Variants in UFM1 observed in about 807,000 individuals in gnomAD.
The protein encoded by UFM1 is ubiquitin fold modifier 1.
Under a neutral mutation model 15.4 loss-of-function variants are expected in UFM1, and 9 were observed. The observed-to-expected ratio is 0.59, with a 90% CI of 0.35 to 1.02. The LOEUF (loss-of-function observed/expected upper bound fraction) is 1.02. Among genes scored for constraint, UFM1 ranks in the 50% least tolerant of loss-of-function variants. UFM1 has a pLI of 0.02. For synonymous variants in UFM1, 27 were observed against 36.3 expected, an observed-to-expected ratio of 0.74 and a Z score of 0.92; for missense variants, 98 against 104.7, an observed-to-expected ratio of 0.94 and a Z score of 0.28.
rs560013599 is a variant in UFM1 at position 38,360,867 on chromosome 13, C to T, written c.*89C>T. Reference sequence around the variant, plus strand: ...AAATTGAAATCAGGCATTTAACATACTATGAAAACACCAGGAGTCAATGAT... The same window carrying T: ...AAATTGAAATCAGGCATTTAACATATTATGAAAACACCAGGAGTCAATGAT... On this transcript the variant is annotated 3_prime_UTR_variant, in exon 6 of 6. Coordinates refer to ENST00000239878, the MANE Select transcript of UFM1 (RefSeq NM_016617.4). 92 of 1,054,584 alleles carry T rather than the reference C, an allele frequency of 8.7e-5. 1 individual carries two copies. In the South Asian group the frequency reaches 1.1e-3, roughly 13 times the overall value. The allele number at this position is 1,054,584 out of a possible 1,614,324, so 65.3% of individuals were successfully genotyped here. A position where few individuals can be genotyped will look rare whatever the true frequency, so the allele number is the denominator to read the frequency against.
Position 38,349,931 on chromosome 13 carries a change from T to G in UFM1, c.2+10T>G, listed in dbSNP as rs780465460. The G allele has an allele frequency of 6.2e-7, 1 of 1,614,012 alleles. No homozygotes were observed. The highest frequency in any genetic ancestry group is 2.2e-5 in the East Asian group (1 of 44,852). On this transcript the variant is annotated intron_variant, in intron 1 of 5. Transcript: ENST00000239878. ...ATTCCGGCACCACCATGTAAGTGTT[T>G]GCTTACCGACTGCCATAATTCCTGG...
rs1017484614 is a variant in UFM1, at chr13:38,361,953, G to A, written c.*1175G>A. 2 of 152,240 alleles carry A rather than the reference G, an allele frequency of 1.3e-5. No homozygotes were observed. Among genetic ancestry groups the A allele is most frequent in the African/African-American group, 4.8e-5 (2 of 41,460 alleles). The allele number at this position is 152,240 out of a possible 1,614,324, so 9.4% of individuals were successfully genotyped here. A position where few individuals can be genotyped will look rare whatever the true frequency, so the allele number is the denominator to read the frequency against. On this transcript the variant is annotated 3_prime_UTR_variant, in exon 6 of 6. Transcript: ENST00000239878. ...AGAAAACAAAGTATCTACTGGCCTT[G>A]TCAACATACAGACTTCAAAATACCC...
chr13:38,363,509 A>T lies in UFM1; in HGVS notation c.*2731A>T, dbSNP rs1879517147. On this transcript the variant is annotated 3_prime_UTR_variant, in exon 6 of 6. Transcript: ENST00000239878. ...ATTTTACAGACGGAAAAAAAAAAAAAAAAAGTTGAGAAGAAAATGGGGTTA... is the reference window on the plus strand; with the variant it reads ...ATTTTACAGACGGAAAAAAAAAAAATAAAAGTTGAGAAGAAAATGGGGTTA... The T allele has an allele frequency of 6.6e-6, 1 of 152,140 alleles. No individual in the cohort carries two copies. Among genetic ancestry groups the T allele is most frequent in the Non-Finnish European group, 1.5e-5 (1 of 68,028 alleles). 9.4% of individuals were successfully genotyped at this position (152,140 alleles called of 1,614,324 possible).
In UFM1 at chr13:38,361,067, G is replaced by A. The variant is rs370873985; in HGVS notation, c.*289G>A. 2 of 256,028 alleles carry A rather than the reference G, an allele frequency of 7.8e-6. No homozygotes were observed. Among genetic ancestry groups the A allele is most frequent in the East Asian group, 7.2e-5 (1 of 13,926 alleles). The allele number at this position is 256,028 out of a possible 1,614,324, so 15.9% of individuals were successfully genotyped here. ...TGAATTAGCCAACTGTTAACTGGAA[G>A]CTTTTGATAATTTTTTTTTTTAGAA... On this transcript the variant is annotated 3_prime_UTR_variant, in exon 6 of 6. Transcript: ENST00000239878.
intron 3 of UFM1, among the ~76,000 whole-genome samples, chr13:38,356,709 A>AG (rs1295228366): frequency 6.6e-6 from 1 of 151,058 alleles, no homozygotes; most frequent in Non-Finnish European, 1.5e-5. Context: ...ACCAAAAAAA[A>AG]AAAAAAAAAA....
chr13:38,355,199 A>C (rs1879042559), intron 3 of UFM1, among the ~76,000 whole-genome samples: 1 of 152,062 alleles, frequency 6.6e-6, no homozygotes, highest in South Asian at 2.1e-4. Context: ...CCTGTACTTC[A>C]CTGATTTATG....
chr13:38,356,177 G>C (rs1304259218), intron 3 of UFM1, among the ~76,000 whole-genome samples: 2 of 151,856 alleles, frequency 1.3e-5, no homozygotes, highest in East Asian at 1.9e-4. Flanking sequence ...AGGGAAAACT[G>C]TGTCAGCAAT....
chr13:38,359,565 C>A, intron 5 of UFM1: 1 of 373,272 alleles, frequency 2.7e-6, no homozygotes. Flanking sequence ...GTGGCTTAAG[C>A]ATTAAGAGTA....
rs550894530 is a variant in UFM1, at chr13:38,362,757, G to C, written c.*1979G>C. On this transcript the variant is annotated 3_prime_UTR_variant, in exon 6 of 6. Coordinates refer to ENST00000239878, the MANE Select transcript of UFM1 (RefSeq NM_016617.4). ...CTGTTTCTAGCACAAAAATTTGCCTGCTGTGTTACAAAAATAAATTTATGT... is the reference window on the plus strand; with the variant it reads ...CTGTTTCTAGCACAAAAATTTGCCTCCTGTGTTACAAAAATAAATTTATGT... 1 of 152,102 alleles carries C rather than the reference G, an allele frequency of 6.6e-6. No individual in the cohort carries two copies. Among genetic ancestry groups the C allele is most frequent in the Admixed American group, 6.5e-5 (1 of 15,282 alleles). The allele number at this position is 152,102 out of a possible 1,614,324, so 9.4% of individuals were successfully genotyped here.
At chr13:38,350,626 G>A (rs1056724956) in intron 2 of UFM1, among the ~76,000 whole-genome samples, 4 of 152,164 alleles carry the variant, frequency 2.6e-5, no homozygotes, top group African/African-American at 9.7e-5. Context: ...TGGTAGGAAT[G>A]GGAAATGCAG....
At position 38,362,868 on chromosome 13, in the gene UFM1, A is replaced by G. The variant is rs1879481979; in HGVS notation, c.*2090A>G. On this transcript the variant is annotated 3_prime_UTR_variant, in exon 6 of 6. Coordinates refer to ENST00000239878, the MANE Select transcript of UFM1 (RefSeq NM_016617.4). ...GTTCCTAAAAACATTTTATTAAACAAGTAGACATTTTGTTATTAAAAAAAT... is the reference window on the plus strand; with the variant it reads ...GTTCCTAAAAACATTTTATTAAACAGGTAGACATTTTGTTATTAAAAAAAT... The G allele has an allele frequency of 6.6e-6, 1 of 152,208 alleles. No homozygotes were observed. Among genetic ancestry groups the G allele is most frequent in the South Asian group, 2.1e-4 (1 of 4,828 alleles). 9.4% of individuals were successfully genotyped at this position (152,208 alleles called of 1,614,324 possible).
chr13:38,363,352 T>A lies in UFM1; in HGVS notation c.*2574T>A, dbSNP rs760303694. 6.6e-6 allele frequency: 1 copy of A among 152,198 alleles called. No homozygotes were observed. Among genetic ancestry groups the A allele is most frequent in the African/African-American group, 2.4e-5 (1 of 41,428 alleles). 9.4% of individuals were successfully genotyped at this position (152,198 alleles called of 1,614,324 possible). A position where few individuals can be genotyped will look rare whatever the true frequency, so the allele number is the denominator to read the frequency against. ...CATACCAAATAGCCTAAGTTTGTAG[T>A]AGGTGACATCAACTAGGTTTGTACA... On this transcript the variant is annotated 3_prime_UTR_variant, in exon 6 of 6. Coordinates refer to ENST00000239878, the MANE Select transcript of UFM1 (RefSeq NM_016617.4).
At chr13:38,357,830 G>A (rs904335877) in intron 3 of UFM1, among the ~76,000 whole-genome samples, 7 of 151,814 alleles carry the variant, frequency 4.6e-5, no homozygotes, top group Admixed American at 3.3e-4. Context: ...CTTAATCCTT[G>A]TCTTGTGTTG....
chr13:38,358,873 C>T (rs1879246981), intron 4 of UFM1, among the ~76,000 whole-genome samples: 1 of 152,028 alleles, frequency 6.6e-6, no homozygotes, highest in Non-Finnish European at 1.5e-5. Flanking sequence ...TAGGTCATAA[C>T]TTAGTAACGT....
chr13:38,349,867 T>G lies in UFM1; in HGVS notation c.-53T>G. On this transcript the variant is annotated 5_prime_UTR_variant, in exon 1 of 6. Transcript: ENST00000239878. ...GCGGTCCCCAGCACACTAGAGGAAG[T>G]CGTGCTACCCCCGCGGAGTTGTCGT... The G allele has an allele frequency of 6.2e-7, 1 of 1,614,042 alleles. No homozygotes were observed. Among genetic ancestry groups the G allele is most frequent in the South Asian group, 1.1e-5 (1 of 91,082 alleles).
chr13:38,359,319 C>T lies in UFM1; in HGVS notation c.176C>T (p.Pro59Leu), dbSNP rs1879267260. The part of the protein sequence containing the change: ...IITNDGIGIN[P>L]AQTAGNVFLK... ...TTTCTAGATGGAATAGGAATAAATCCTGCACAGACTGCTGGTGAGTATTTG... is the reference window on the plus strand; with the variant it reads ...TTTCTAGATGGAATAGGAATAAATCTTGCACAGACTGCTGGTGAGTATTTG... The change falls in exon 5 of 6, where the codon CCT (proline) becomes CTT (leucine). Residue 59 changes from proline to leucine, a missense_variant. Pro to Leu is a moderately conservative substitution (Grantham distance 98, BLOSUM62 -3). Transcript: ENST00000239878. 1.2e-6 allele frequency: 2 copies of T among 1,611,194 alleles called. No individual in the cohort carries two copies. Among genetic ancestry groups the T allele is most frequent in the East Asian group, 4.5e-5 (2 of 44,720 alleles).
At chr13:38,355,963 T>C (rs10507470) in intron 3 of UFM1, among the ~76,000 whole-genome samples, 14,863 of 151,828 alleles carry the variant, frequency 0.098, 2,356 homozygotes, top group African/African-American at 0.33. Context: ...TAATGAATTG[T>C]TGAAACCTGC....
intron 2 of UFM1, 88 bp downstream of exon 2, chr13:38,350,143 C>G: frequency 1.9e-6 from 3 of 1,614,040 alleles, no homozygotes; most frequent in Non-Finnish European, 2.5e-6. Flanking sequence ...ACAACTACCC[C>G]ACGCAGTCTT....
chr13:38,354,352 A>C (rs556904312), intron 3 of UFM1, 56 bp downstream of exon 3: 658 of 1,517,494 alleles, frequency 4.3e-4, no homozygotes, highest in Non-Finnish European at 5.7e-4. Context: ...ATATGCTTCA[A>C]ATGTCTTTAA....
Sources: allele counts gnomAD v4.1 joint callset (sites outside exome capture counted in the v4.1 genomes callset), GRCh38; gene constraint gnomAD v4.1.1; transcripts MANE v1.5; gene names NCBI Gene and HGNC (gene_info 2026-07-23, HGNC 2026-07-21).